Variants in NTF3 observed in about 807,000 individuals in gnomAD.
The protein encoded by NTF3 is neurotrophin 3, also known as neurotrophin-3.
Under a neutral mutation model 26.3 loss-of-function variants are expected in NTF3, and 8 were observed. That is an observed-to-expected ratio of 0.30 (90% CI 0.18 to 0.55). NTF3 has a LOEUF of 0.55. NTF3 is among the 20% of genes least tolerant of loss of function. NTF3 has a pLI of 0.93. For synonymous variants in NTF3, 154 were observed against 145.5 expected, an observed-to-expected ratio of 1.06 and a Z score of -0.42; for missense variants, 276 against 352.9, an observed-to-expected ratio of 0.78 and a Z score of 1.75.
At chr12:5,464,071 C>G (rs1591599127) in intron 1 of NTF3, among the ~76,000 whole-genome samples, 3 of 152,218 alleles carry the variant, frequency 2.0e-5, no homozygotes, top group Non-Finnish European at 2.9e-5. Context: ...GCCCAGTACC[C>G]TTTACACTGG....
intron 1 of NTF3, among the ~76,000 whole-genome samples, chr12:5,449,429 T>C (rs1940346558): frequency 6.6e-6 from 1 of 152,270 alleles, no homozygotes; most frequent in African/African-American, 2.4e-5. Flanking sequence ...TCTTTAACAC[T>C]GTGCTTCATC....
chr12:5,482,006 TACAC>T (rs926959030), intron 1 of NTF3, among the ~76,000 whole-genome samples: 2 of 151,276 alleles, frequency 1.3e-5, no homozygotes, highest in South Asian at 2.1e-4. Flanking sequence ...CATGCATGCA[TACAC>T]ACACTACACA....
chr12:5,451,662 A>G (rs1231060929), intron 1 of NTF3, among the ~76,000 whole-genome samples: 2 of 152,250 alleles, frequency 1.3e-5, no homozygotes, highest in African/African-American at 4.8e-5. Context: ...GTGTCTGTAT[A>G]TGTGTATTTC....
In NTF3 at chr12:5,432,227, GT is replaced by G; in HGVS notation, c.-97del. 4 of 1,321,146 alleles carry G rather than the reference GT, an allele frequency of 3.0e-6. No homozygotes were observed. Among genetic ancestry groups the G allele is most frequent in the Non-Finnish European group, 4.4e-6 (4 of 914,620 alleles). 81.8% of individuals were successfully genotyped at this position (1,321,146 alleles called of 1,614,324 possible). Reference sequence around the variant, plus strand: ...CTTCCTCTCCTTTTTCCCCTGCTGGGTAGTGGCTGCGGCGGGGTGGGGGAGA... The same window carrying G: ...CTTCCTCTCCTTTTTCCCCTGCTGGGAGTGGCTGCGGCGGGGTGGGGGAGA... On this transcript the variant is annotated 5_prime_UTR_variant, in exon 1 of 2. Coordinates refer to ENST00000423158, the MANE Select transcript of NTF3 (RefSeq NM_001102654.2).
At chr12:5,484,716 C>A (rs766725355) in intron 1 of NTF3, among the ~76,000 whole-genome samples, 9 of 152,080 alleles carry the variant, frequency 5.9e-5, no homozygotes, top group Non-Finnish European at 1.3e-4. Context: ...TGACTGGGGT[C>A]ACGATGGATA....
intron 1 of NTF3, among the ~76,000 whole-genome samples, chr12:5,473,341 C>T (rs926361927): frequency 1.1e-4 from 16 of 152,302 alleles, no homozygotes; most frequent in East Asian, 7.7e-4. Context: ...ACTTGAAATC[C>T]GGTAGTTACC....
At chr12:5,469,137 A>G (rs1940632665) in intron 1 of NTF3, among the ~76,000 whole-genome samples, 1 of 152,044 alleles carries the variant, frequency 6.6e-6, no homozygotes, top group African/African-American at 2.4e-5. Context: ...AAAAAGAGGA[A>G]GAAGTTGCTG....
chr12:5,451,847 C>T (rs908185308), intron 1 of NTF3, among the ~76,000 whole-genome samples: 1 of 152,140 alleles, frequency 6.6e-6, no homozygotes, highest in African/African-American at 2.4e-5. Context: ...GCATGCATCA[C>T]CATTCCTGGC....
intron 1 of NTF3, among the ~76,000 whole-genome samples, chr12:5,475,299 C>T (rs1940709025): frequency 6.6e-6 from 1 of 151,788 alleles, no homozygotes; most frequent in Non-Finnish European, 1.5e-5. Context: ...GGAGGAGGGG[C>T]TGTGGCACAC....
intron 1 of NTF3, among the ~76,000 whole-genome samples, chr12:5,467,869 C>T (rs1299482778): frequency 6.6e-6 from 1 of 152,174 alleles, no homozygotes; most frequent in Admixed American, 6.5e-5. Flanking sequence ...AGCGTCTCCC[C>T]TGGATTTATC....
intron 1 of NTF3, among the ~76,000 whole-genome samples, chr12:5,435,164 CTG>C (rs1445916622): frequency 1.3e-5 from 2 of 152,180 alleles, no homozygotes; most frequent in Non-Finnish European, 2.9e-5. Flanking sequence ...AATGCACTAT[CTG>C]TGCCTGGTGT....
At chr12:5,437,133 G>C (rs558908773) in intron 1 of NTF3, among the ~76,000 whole-genome samples, 22 of 152,292 alleles carry the variant, frequency 1.4e-4, no homozygotes, top group African/African-American at 4.8e-4. Flanking sequence ...TGGAGTCGTA[G>C]AGGGGCATGG....
intron 1 of NTF3, among the ~76,000 whole-genome samples, chr12:5,484,146 C>T (rs755055061): frequency 4.6e-5 from 7 of 152,114 alleles, no homozygotes; most frequent in South Asian, 2.1e-4. Flanking sequence ...GGATGAGCAG[C>T]GTAGGGCTGG....
chr12:5,477,683 C>T (rs778256615), intron 1 of NTF3, among the ~76,000 whole-genome samples: 12 of 152,144 alleles, frequency 7.9e-5, no homozygotes, highest in African/African-American at 1.7e-4. Flanking sequence ...TATAATTATT[C>T]GTGAGCCTTC....
chr12:5,478,204 A>G (rs1404247386), intron 1 of NTF3, among the ~76,000 whole-genome samples: 1 of 152,244 alleles, frequency 6.6e-6, no homozygotes, highest in African/African-American at 2.4e-5. Context: ...TTCAGTTCAC[A>G]AACATTGATT....
chr12:5,494,420 C>G lies in NTF3; in HGVS notation c.245C>G (p.Pro82Arg). The change falls in exon 2 of 2, where the codon CCC (proline) becomes CGC (arginine). Residue 82 changes from proline (P) to arginine (R), a missense_variant. Physicochemically the swap from Pro to Arg is moderately radical, Grantham distance 103. Coordinates refer to ENST00000423158, the MANE Select transcript of NTF3 (RefSeq NM_001102654.2). The surrounding 1 kb of genome is among the most constrained non-coding windows in gnomAD (Gnocchi z 8.3). ...AGCACCCTGCCCAAAGCTGAGGCTC[C>G]CCGAGAGCCGGAGCGGGGAGGGCCC... ...YQSTLPKAEA[P>R]REPERGGPAK... 3 of 1,613,194 alleles carry G rather than the reference C, an allele frequency of 1.9e-6. No individual in the cohort carries two copies. Among genetic ancestry groups the G allele is most frequent in the Non-Finnish European group, 2.5e-6 (3 of 1,180,000 alleles).
At chr12:5,432,736 T>C (rs1940112548) in intron 1 of NTF3, among the ~76,000 whole-genome samples, 1 of 151,486 alleles carries the variant, frequency 6.6e-6, no homozygotes, top group African/African-American at 2.4e-5. Context: ...AGAGGGGAAA[T>C]GGGGACGACG....
intron 1 of NTF3, among the ~76,000 whole-genome samples, chr12:5,446,360 C>G (rs185443389): frequency 1.2e-3 from 176 of 152,282 alleles, no homozygotes; most frequent in Middle Eastern, 0.01. Context: ...TGCATATCAG[C>G]CAGATACCCT....
intron 1 of NTF3, among the ~76,000 whole-genome samples, chr12:5,452,166 G>C (rs1313728110): frequency 6.7e-6 from 1 of 148,614 alleles, no homozygotes; most frequent in Non-Finnish European, 1.5e-5. Flanking sequence ...CGCAATCTCA[G>C]CTCACTGCAA....
Sources: gnomAD v4.1 joint callset for allele counts (sites outside exome capture counted in the v4.1 genomes callset) on GRCh38, gnomAD v4.1.1 for gene constraint, Gnocchi (gnomAD v3.1) non-coding constraint, MANE v1.5 for transcripts, NCBI Gene and HGNC (gene_info 2026-07-23, HGNC 2026-07-21) for gene names.